EIF4G3: variants seen among roughly 807,000 people sequenced by gnomAD.
EIF4G3 encodes the protein eukaryotic translation initiation factor 4 gamma 3, also known as eIF-4-gamma 3.
Under a neutral mutation model 186.4 loss-of-function variants are expected in EIF4G3, and 34 were observed. The ratio of observed to expected loss-of-function variants is 0.18; its 90% CI spans 0.14 to 0.24. The LOEUF (loss-of-function observed/expected upper bound fraction) is 0.24, where lower values mean the gene tolerates loss of function less well. EIF4G3 is among the 10% of genes least tolerant of loss of function. The pLI, the probability that EIF4G3 is intolerant of heterozygous loss-of-function variation, is 1.00. For synonymous variants in EIF4G3, 673 were observed against 679.5 expected, an observed-to-expected ratio of 0.99 and a Z score of 0.15; for missense variants, 1,536 against 1,948.5, an observed-to-expected ratio of 0.79 and a Z score of 3.99.
intron 10 of EIF4G3, 114 bp downstream of exon 10, chr1:20,980,220 G>A (rs2077670582): frequency 1.4e-6 from 1 of 694,808 alleles, no homozygotes; most frequent in Non-Finnish European, 2.4e-6. Context: ...TTAGCAGCAT[G>A]TTATTTAAAA....
intron 2 of EIF4G3, among the ~76,000 whole-genome samples, chr1:21,096,769 T>C (rs929290277): frequency 1.3e-5 from 2 of 152,228 alleles, no homozygotes; most frequent in Non-Finnish European, 2.9e-5. Flanking sequence ...CAAAGTTTGC[T>C]GGAAGTTATA....
chr1:21,078,862 G>GTA (rs2095671748), intron 3 of EIF4G3, among the ~76,000 whole-genome samples: 1 of 152,100 alleles, frequency 6.6e-6, no homozygotes, highest in Non-Finnish European at 1.5e-5. Flanking sequence ...GCGTGCACCG[G>GTA]TAGTCCCAGC....
chr1:21,121,247 A>G (rs2096919987), intron 2 of EIF4G3, among the ~76,000 whole-genome samples: 2 of 152,326 alleles, frequency 1.3e-5, no homozygotes, highest in Non-Finnish European at 2.9e-5. Context: ...GTAGACATTC[A>G]ACAAATGGTA....
At chr1:20,920,840 G>A (rs1229012758) in intron 14 of EIF4G3, among the ~76,000 whole-genome samples, 1 of 152,006 alleles carries the variant, frequency 6.6e-6, no homozygotes. Flanking sequence ...GAATGGCAGT[G>A]GCCCAGGTTT....
At chr1:20,857,332 G>C (rs1465489278) in intron 25 of EIF4G3, 71 bp downstream of exon 25, 10 of 1,196,282 alleles carry the variant, frequency 8.4e-6, no homozygotes, top group Admixed American at 6.8e-5. Flanking sequence ...TAAATTGTGT[G>C]TGTGTGTGTG....
chr1:20,807,881 GCCT>G (rs2058386684), intron 36 of EIF4G3, among the ~76,000 whole-genome samples: 1 of 145,438 alleles, frequency 6.9e-6, no homozygotes, highest in African/African-American at 2.5e-5. Flanking sequence ...TCCTGCCTCA[GCCT>G]CCTAAGTACC....
intron 14 of EIF4G3, among the ~76,000 whole-genome samples, chr1:20,927,113 G>A (rs920431839): frequency 6.7e-5 from 10 of 150,258 alleles, no homozygotes; most frequent in Non-Finnish European, 1.5e-4. Context: ...GTGCAATTGC[G>A]GCTGACTGCA....
intron 12 of EIF4G3, among the ~76,000 whole-genome samples, chr1:20,965,338 C>T (rs2074384644): frequency 6.6e-6 from 1 of 152,158 alleles, no homozygotes; most frequent in Non-Finnish European, 1.5e-5. Flanking sequence ...GAAGAGGCAT[C>T]CCTGACTCTC....
chr1:21,034,185 GATT>G (rs2092989074), intron 4 of EIF4G3, among the ~76,000 whole-genome samples: 1 of 152,168 alleles, frequency 6.6e-6, no homozygotes, highest in Non-Finnish European at 1.5e-5. Context: ...CCAGTAGAGA[GATT>G]ATTTATTTCT....
intron 33 of EIF4G3, among the ~76,000 whole-genome samples, chr1:20,820,019 G>A (rs553152834): frequency 9.1e-4 from 138 of 152,216 alleles, no homozygotes; most frequent in African/African-American, 3.1e-3. Context: ...GCATGGAGCC[G>A]GTGGGAGCCC....
intron 12 of EIF4G3, among the ~76,000 whole-genome samples, chr1:20,953,013 G>T (rs1057324438): frequency 2.0e-5 from 3 of 152,168 alleles, no homozygotes; most frequent in African/African-American, 7.2e-5. Flanking sequence ...ATCCAATGCT[G>T]TATGCATTTT....
At chr1:20,879,273 A>C in intron 20 of EIF4G3, 50 bp downstream of exon 20, 1 of 1,428,772 alleles carries the variant, frequency 7.0e-7, no homozygotes, top group Non-Finnish European at 9.4e-7. Flanking sequence ...TAGTGAGGGG[A>C]GAATATACCT....
At chr1:20,914,727 G>A (rs751779004) in intron 14 of EIF4G3, among the ~76,000 whole-genome samples, 2 of 152,070 alleles carry the variant, frequency 1.3e-5, no homozygotes, top group African/African-American at 2.4e-5. Context: ...TGACCTCTGC[G>A]TTATTTAAAA....
intron 14 of EIF4G3, among the ~76,000 whole-genome samples, chr1:20,927,206 G>A (rs1267711599): frequency 6.6e-6 from 1 of 152,094 alleles, no homozygotes; most frequent in Non-Finnish European, 1.5e-5. Context: ...ACCACACCCA[G>A]CTAACTGAAT....
At chr1:20,895,203 T>G (rs976852138) in intron 17 of EIF4G3, among the ~76,000 whole-genome samples, 165 bp downstream of exon 17, 2 of 152,056 alleles carry the variant, frequency 1.3e-5, no homozygotes, top group Non-Finnish European at 2.9e-5. Context: ...TATAAGAAAC[T>G]CAAAATCCAA....
chr1:20,871,269 A>C (rs1191503104), intron 20 of EIF4G3, among the ~76,000 whole-genome samples: 1 of 152,202 alleles, frequency 6.6e-6, no homozygotes, highest in African/African-American at 2.4e-5. Flanking sequence ...TTACAATCTC[A>C]ACAATCTAGG....
intron 2 of EIF4G3, among the ~76,000 whole-genome samples, chr1:21,131,276 A>G (rs2097147298): frequency 6.6e-6 from 1 of 150,840 alleles, no homozygotes; most frequent in South Asian, 2.1e-4. Flanking sequence ...TTAAAGATAC[A>G]TTAAGATGTA....
intron 4 of EIF4G3, among the ~76,000 whole-genome samples, chr1:21,012,862 T>C (rs571978877): frequency 6.6e-6 from 1 of 152,188 alleles, no homozygotes; most frequent in East Asian, 1.9e-4. Context: ...GGCACGCCGC[T>C]GTAAATTCCA....
At chr1:20,888,550 GT>G (rs1312952828) in intron 18 of EIF4G3, among the ~76,000 whole-genome samples, 2 of 152,138 alleles carry the variant, frequency 1.3e-5, no homozygotes, top group African/African-American at 4.8e-5. Context: ...CTGGAAAACT[GT>G]GGTGTAGTGA....
Sources: allele counts gnomAD v4.1 joint callset (sites outside exome capture counted in the v4.1 genomes callset), GRCh38; gene constraint gnomAD v4.1.1; transcripts MANE v1.5; gene names NCBI Gene and HGNC (gene_info 2026-07-23, HGNC 2026-07-21).